SHQ1: variants seen among roughly 807,000 people sequenced by gnomAD.
SHQ1 encodes SHQ1, H/ACA ribonucleoprotein assembly factor, also known as protein SHQ1 homolog.
In SHQ1, 49 loss-of-function variants were observed where a neutral mutation model predicts 53.8. The ratio of observed to expected loss-of-function variants is 0.91; its 90% CI spans 0.72 to 1.16. The LOEUF (loss-of-function observed/expected upper bound fraction) is 1.16, where lower values mean the gene tolerates loss of function less well. SHQ1 is among the 50% of genes most tolerant of loss of function. SHQ1 has a pLI of 0.00. For missense variants in SHQ1, 738 were observed against 683.1 expected, an observed-to-expected ratio of 1.08 and a Z score of -0.90; for synonymous variants, 243 against 251.0, an observed-to-expected ratio of 0.97 and a Z score of 0.30.
intron 9 of SHQ1, among the ~76,000 whole-genome samples, chr3:72,803,384 C>A (rs1003183231): frequency 2.0e-5 from 3 of 152,308 alleles, no homozygotes; most frequent in Non-Finnish European, 4.4e-5. Flanking sequence ...CATCCTTATT[C>A]ATTTACCTGC....
chr3:72,802,481 C>T (rs1222414730), intron 9 of SHQ1, among the ~76,000 whole-genome samples: 7 of 152,204 alleles, frequency 4.6e-5, no homozygotes, highest in Admixed American at 2.0e-4. Flanking sequence ...CCATTGCAGG[C>T]TCCTTTCAGC....
At chr3:72,765,273 C>A (rs1002634110) in intron 10 of SHQ1, among the ~76,000 whole-genome samples, 4 of 151,908 alleles carry the variant, frequency 2.6e-5, no homozygotes, top group Non-Finnish European at 4.4e-5. Context: ...ACATGCCTGC[C>A]CCTGAACCCA....
intron 10 of SHQ1, among the ~76,000 whole-genome samples, chr3:72,769,105 C>T (rs769636491): frequency 6.6e-6 from 1 of 152,182 alleles, no homozygotes; most frequent in Non-Finnish European, 1.5e-5. Context: ...CAAACTGCTG[C>T]CCCTAGAAGC....
At chr3:72,769,356 C>A (rs1705798515) in intron 10 of SHQ1, among the ~76,000 whole-genome samples, 1 of 152,168 alleles carries the variant, frequency 6.6e-6, no homozygotes, top group Non-Finnish European at 1.5e-5. Flanking sequence ...TCACTGAGAG[C>A]CAAAAGTGAC....
intron 9 of SHQ1, among the ~76,000 whole-genome samples, chr3:72,808,122 T>C (rs1159226200): frequency 6.6e-6 from 1 of 152,192 alleles, no homozygotes; most frequent in African/African-American, 2.4e-5. Context: ...AAATCATGTT[T>C]TCCACAAAAT....
chr3:72,764,389 G>A (rs1336585824), intron 10 of SHQ1, among the ~76,000 whole-genome samples: 1 of 152,082 alleles, frequency 6.6e-6, no homozygotes, highest in African/African-American at 2.4e-5. Flanking sequence ...AGGAAACATG[G>A]GATCTGAAAG....
intron 10 of SHQ1, among the ~76,000 whole-genome samples, chr3:72,771,276 A>G (rs1470345670): frequency 6.6e-6 from 1 of 152,222 alleles, no homozygotes; most frequent in Non-Finnish European, 1.5e-5. Context: ...TTCAAGAGTC[A>G]AGTTTATAAA....
chr3:72,777,002 T>C lies in SHQ1; in HGVS notation c.1181+15914A>G, dbSNP rs139789210. 3.1e-3 allele frequency among the ~76,000 whole-genome samples: 479 copies of C among 152,258 alleles called. 3 individuals carry two copies. Among genetic ancestry groups the C allele is most frequent in the African/African-American group, 0.01 (424 of 41,570 alleles). ...AATGAAGCCAGGATATGGTTATCCA[T>C]ATGGGAAAAAAGAAACTGGATCCCC... On this transcript the variant is annotated intron_variant, in intron 10 of 10. Coordinates refer to ENST00000325599, the MANE Select transcript of SHQ1 (RefSeq NM_018130.3).
chr3:72,820,639 A>G (rs1455160932), intron 6 of SHQ1, among the ~76,000 whole-genome samples: 1 of 152,238 alleles, frequency 6.6e-6, no homozygotes, highest in African/African-American at 2.4e-5. Context: ...ATGCAGTGCC[A>G]ACAATGCTTG....
chr3:72,778,522 T>TTC (rs539380783), intron 10 of SHQ1, among the ~76,000 whole-genome samples: 198 of 152,320 alleles, frequency 1.3e-3, no homozygotes, highest in African/African-American at 4.5e-3. Context: ...AGTTCATTAC[T>TTC]ATTCTTTCAT....
chr3:72,730,165 G>A, the SHQ1 span, among the ~76,000 whole-genome samples: 1 of 151,452 alleles, frequency 6.6e-6, no homozygotes, highest in Non-Finnish European at 1.5e-5. Flanking sequence ...GCCCAGGCTG[G>A]GGCACAGTGA....
At chr3:72,778,302 A>T (rs564280751) in intron 10 of SHQ1, among the ~76,000 whole-genome samples, 1 of 152,110 alleles carries the variant, frequency 6.6e-6, no homozygotes, top group Non-Finnish European at 1.5e-5. Flanking sequence ...TCTACAAAAA[A>T]TAAAAAATTA....
chr3:72,737,644 A>G, the SHQ1 span, among the ~76,000 whole-genome samples: 8 of 152,204 alleles, frequency 5.3e-5, no homozygotes, highest in Admixed American at 4.6e-4. Context: ...TCATCGCTAG[A>G]TTACTTATAA....
chr3:72,811,114 A>C (rs542985322), intron 9 of SHQ1, among the ~76,000 whole-genome samples: 8 of 152,296 alleles, frequency 5.3e-5, no homozygotes, highest in African/African-American at 1.9e-4. Flanking sequence ...TTTCCAATGA[A>C]AGTCAAAAGA....
Position 72,798,391 on chromosome 3 carries a change from A to G in SHQ1, c.1061-5355T>C, listed in dbSNP as rs78322849. Among the ~76,000 whole-genome samples, 781 of 152,346 alleles carry G rather than the reference A, an allele frequency of 5.1e-3. 10 individuals carry two copies. Among genetic ancestry groups the G allele is most frequent in the African/African-American group, 0.018 (751 of 41,592 alleles). ...TGTTCACTCATGAAAGCAGTTTAAC[A>G]CTGTATCCTGGTATTACAAATGACA... On this transcript the variant is annotated intron_variant, in intron 9 of 10. Transcript: ENST00000325599.
rs371712193 is a variant in SHQ1 at position 72,817,229 on chromosome 3, C to T, written c.882+1G>A. The T allele has an allele frequency of 6.2e-7, 1 of 1,611,836 alleles. No individual in the cohort carries two copies. Among genetic ancestry groups the T allele is most frequent in the Non-Finnish European group, 8.5e-7 (1 of 1,179,006 alleles). ...CAACATGCACACATACATGCACTTACATTCTTCTCTCCTTCAGTGACACGG... is the reference window on the plus strand; with the variant it reads ...CAACATGCACACATACATGCACTTATATTCTTCTCTCCTTCAGTGACACGG... On this transcript the variant is annotated splice_donor_variant, in intron 7 of 10. Coordinates refer to ENST00000325599, the MANE Select transcript of SHQ1 (RefSeq NM_018130.3). LOFTEE classifies it high-confidence loss of function.
At chr3:72,770,409 TTCCCAAA>T (rs1428846528) in intron 10 of SHQ1, among the ~76,000 whole-genome samples, 2 of 152,188 alleles carry the variant, frequency 1.3e-5, no homozygotes, top group African/African-American at 4.8e-5. Flanking sequence ...GACCTCAGCC[TTCCCAAA>T]TCAGAAACAG....
intron 5 of SHQ1, among the ~76,000 whole-genome samples, chr3:72,825,171 G>T (rs1219860591): frequency 6.6e-6 from 1 of 152,036 alleles, no homozygotes; most frequent in Non-Finnish European, 1.5e-5. Context: ...CATATTCGAT[G>T]ATGTGAAATG....
chr3:72,776,251 T>C (rs1281836642), intron 10 of SHQ1, among the ~76,000 whole-genome samples: 1 of 152,236 alleles, frequency 6.6e-6, no homozygotes, highest in Non-Finnish European at 1.5e-5. Flanking sequence ...TTGTGGTCAA[T>C]GATGAACTAC....
Sources: allele counts gnomAD v4.1 joint callset (sites outside exome capture counted in the v4.1 genomes callset), GRCh38; gene constraint gnomAD v4.1.1; transcripts MANE v1.5; gene names NCBI Gene and HGNC (gene_info 2026-07-23, HGNC 2026-07-21).